The following CEP128 variants were observed in gnomAD, a reference collection of about 807,000 sequenced individuals.
The protein encoded by CEP128 is centrosomal protein 128.
Under a neutral mutation model 156.7 loss-of-function variants are expected in CEP128, and 132 were observed. The observed-to-expected ratio is 0.84, with a 90% CI of 0.73 to 0.97. The LOEUF (loss-of-function observed/expected upper bound fraction) is 0.97. Among genes scored for constraint, CEP128 ranks in the 50% least tolerant of loss-of-function variants. The probability of loss-of-function intolerance (pLI) is 0.00; values close to 1 mark genes in which losing one functional copy is unlikely to be tolerated. For missense variants in CEP128, 1,252 were observed against 1,281.9 expected (o/e 0.98, Z 0.36); for synonymous variants, 469 against 448.9 (o/e 1.04, Z -0.57).
intron 19 of CEP128, among the ~76,000 whole-genome samples, chr14:80,682,820 A>C (rs1471971173): frequency 6.6e-6 from 1 of 152,232 alleles, no homozygotes; most frequent in Non-Finnish European, 1.5e-5. Context: ...ATTCCAAAAA[A>C]CAATTTCATT....
chr14:80,570,395 C>A lies in CEP128; in HGVS notation c.2856+9979G>T, dbSNP rs890165830. Among the ~76,000 whole-genome samples, 7 of 152,228 alleles carry A rather than the reference C, an allele frequency of 4.6e-5. No homozygotes were observed. The East Asian group carries it at 1.4e-3, about 30-fold the overall frequency. ...CCTCCCAAAGTGCTGGGATTACAGG[C>A]GTGAGTCATCGTGCCCGGCCCATAT... On this transcript the variant is annotated intron_variant, in intron 20 of 24. Transcript: ENST00000555265.
At chr14:80,746,160 A>C (rs1343873410) in intron 18 of CEP128, among the ~76,000 whole-genome samples, 1 of 152,164 alleles carries the variant, frequency 6.6e-6, no homozygotes, top group African/African-American at 2.4e-5. Flanking sequence ...AATACATCCC[A>C]CCTAATCTAC....
intron 19 of CEP128, among the ~76,000 whole-genome samples, chr14:80,584,825 C>G (rs1891748401): frequency 6.6e-6 from 1 of 152,118 alleles, no homozygotes; most frequent in Non-Finnish European, 1.5e-5. Context: ...CTGCTCTGCT[C>G]TTCTTATCAG....
chr14:80,529,386 AGAT>A (rs1889123791), intron 22 of CEP128, among the ~76,000 whole-genome samples: 1 of 152,256 alleles, frequency 6.6e-6, no homozygotes, highest in Admixed American at 6.5e-5. Flanking sequence ...CTAGACTTGT[AGAT>A]GATCACTAGC....
intron 19 of CEP128, among the ~76,000 whole-genome samples, chr14:80,717,791 T>G (rs117476937): frequency 0.011 from 1,720 of 152,232 alleles, 16 homozygotes; most frequent in Non-Finnish European, 0.015. Context: ...ACCCAGAGCC[T>G]CTATCTACTA....
intron 17 of CEP128, among the ~76,000 whole-genome samples, chr14:80,759,471 T>C (rs1250182051): frequency 6.6e-6 from 1 of 152,174 alleles, no homozygotes; most frequent in Non-Finnish European, 1.5e-5. Context: ...ATAAATTTTA[T>C]CTTTACCACA....
At chr14:80,641,859 G>T (rs1181890560) in intron 19 of CEP128, among the ~76,000 whole-genome samples, 1 of 151,966 alleles carries the variant, frequency 6.6e-6, no homozygotes, top group Non-Finnish European at 1.5e-5. Context: ...GAAGGCCAAG[G>T]CGGGTGGATC....
rs377312682 is a variant in CEP128, at chr14:80,636,271, A to G, written c.2807-55848T>C. 2.6e-5 allele frequency among the ~76,000 whole-genome samples: 4 copies of G among 152,178 alleles called. No individual in the cohort carries two copies. The East Asian group carries it at 7.7e-4, about 29-fold the overall frequency. On this transcript the variant is annotated intron_variant, in intron 19 of 24. Transcript: ENST00000555265. ...CCTAATGACTTAGTAAAACTTATAAATAAGTGAGACTACTGCCCCCTAGCC... is the reference window on the plus strand; with the variant it reads ...CCTAATGACTTAGTAAAACTTATAAGTAAGTGAGACTACTGCCCCCTAGCC...
chr14:80,553,074 TC>T (rs1890275872), intron 21 of CEP128, among the ~76,000 whole-genome samples: 1 of 96,228 alleles, frequency 1.0e-5, no homozygotes, highest in African/African-American at 6.1e-5. Flanking sequence ...TTTCTTTCTT[TC>T]TTTCTTTCTT....
intron 2 of CEP128, among the ~76,000 whole-genome samples, chr14:80,921,716 C>T (rs1408510404): frequency 6.6e-6 from 1 of 152,082 alleles, no homozygotes; most frequent in Non-Finnish European, 1.5e-5. Context: ...GTTATCTTAG[C>T]ACTTTGGGAG....
chr14:80,876,119 A>C (rs566052615), intron 8 of CEP128, among the ~76,000 whole-genome samples: 2 of 152,254 alleles, frequency 1.3e-5, no homozygotes, highest in South Asian at 2.1e-4. Context: ...TCCTAAAAGA[A>C]GAGACAAAGA....
chr14:80,879,837 C>CAAA (rs1566688806), intron 8 of CEP128, among the ~76,000 whole-genome samples: 1 of 151,496 alleles, frequency 6.6e-6, no homozygotes, highest in African/African-American at 2.4e-5. Flanking sequence ...TCAAATGTTC[C>CAAA]CAGATTCAAC....
intron 14 of CEP128, among the ~76,000 whole-genome samples, chr14:80,787,830 C>T (rs1901491852): frequency 6.6e-6 from 1 of 152,150 alleles, no homozygotes; most frequent in African/African-American, 2.4e-5. Context: ...AATATTATAT[C>T]TTCCTGAAGT....
Position 80,831,227 on chromosome 14 carries a change from G to A in CEP128, c.1125C>T (p.Ser375=), listed in dbSNP as rs774984912. The part of the protein sequence containing the change: ...MSDLRVQLNF[S]AMASELEEVK... Reference sequence around the variant, plus strand: ...CTTCCTCTAACTCAGATGCCATTGCGCTGAAGTTCAGCTGCACTCTCAAAT... The same window carrying A: ...CTTCCTCTAACTCAGATGCCATTGCACTGAAGTTCAGCTGCACTCTCAAAT... Residue 375 remains serine, a synonymous_variant, in exon 13 of 25, where the codon AGC becomes AGT. Coordinates refer to ENST00000555265, the MANE Select transcript of CEP128 (RefSeq NM_152446.5). The A allele has an allele frequency of 1.7e-5, 27 of 1,613,628 alleles. No homozygotes were observed. The highest frequency in any genetic ancestry group is 3.3e-5 in the South Asian group (3 of 91,068).
At chr14:80,862,309 AC>A (rs1170410501) in intron 9 of CEP128, among the ~76,000 whole-genome samples, 1 of 152,174 alleles carries the variant, frequency 6.6e-6, no homozygotes, top group Admixed American at 6.5e-5. Context: ...AAAACTACTT[AC>A]AAAAATAGAC....
At chr14:80,623,221 AC>A (rs892258961) in intron 19 of CEP128, among the ~76,000 whole-genome samples, 7 of 151,060 alleles carry the variant, frequency 4.6e-5, no homozygotes, top group Admixed American at 2.0e-4. Flanking sequence ...AAAAAACCAA[AC>A]ACTGCATGTT....
intron 23 of CEP128, among the ~76,000 whole-genome samples, chr14:80,518,414 ATG>A (rs372765456): frequency 2.3e-4 from 35 of 152,188 alleles, no homozygotes; most frequent in African/African-American, 8.4e-4. Flanking sequence ...GAAATATTCA[ATG>A]TGTACATGAA....
At chr14:80,752,623 A>G (rs937219127) in intron 18 of CEP128, among the ~76,000 whole-genome samples, 1 of 152,192 alleles carries the variant, frequency 6.6e-6, no homozygotes. Flanking sequence ...CTTCTCACAC[A>G]ATGTTTTAAA....
intron 18 of CEP128, among the ~76,000 whole-genome samples, chr14:80,755,341 C>T (rs963551166): frequency 6.6e-6 from 1 of 152,146 alleles, no homozygotes; most frequent in African/African-American, 2.4e-5. Flanking sequence ...AGATCTATTC[C>T]ATTAGTTCTG....
Sources: allele counts gnomAD v4.1 joint callset (sites outside exome capture counted in the v4.1 genomes callset), GRCh38; gene constraint gnomAD v4.1.1; transcripts MANE v1.5; gene names NCBI Gene and HGNC (gene_info 2026-07-23, HGNC 2026-07-21).